CUL7: variants seen among roughly 807,000 people sequenced by gnomAD.
CUL7 encodes cullin-7.
Under a neutral mutation model 177.7 loss-of-function variants are expected in CUL7, and 96 were observed. The ratio of observed to expected loss-of-function variants is 0.54; its 90% CI spans 0.46 to 0.64. The LOEUF (loss-of-function observed/expected upper bound fraction) is 0.64, where lower values mean the gene tolerates loss of function less well. Ranked by LOEUF, CUL7 falls within the 30% of genes least tolerant of loss-of-function variation. The probability of loss-of-function intolerance (pLI) is 0.00; values close to 1 mark genes in which losing one functional copy is unlikely to be tolerated. For synonymous variants in CUL7, 824 were observed against 890.2 expected, an observed-to-expected ratio of 0.93 and a Z score of 1.32; for missense variants, 1,893 against 2,187.9, an observed-to-expected ratio of 0.87 and a Z score of 2.69.
chr6:43,050,059 C>T lies in CUL7; in HGVS notation c.1473G>A (p.Leu491=), dbSNP rs1226031095. The change falls in exon 6 of 26, where the codon CTG becomes CTA. Residue 491 remains leucine, a synonymous_variant. Transcript: ENST00000265348. This position sits in a 1 kb window ranked among gnomAD's most constrained non-coding sequence, Gnocchi z 4.1. ...AGAAGAGGAGTTCCCACCACTCAGC[C>T]AGGGTCAGGTGTTCACACTCCTCAG... is the stretch of plus-strand genomic sequence containing the variant. ...EDTEECEHLT[L]AEWWELLFFI... The T allele has an allele frequency of 6.2e-7, 1 of 1,614,210 alleles. No homozygotes were observed. The highest frequency in any genetic ancestry group is 2.2e-5 in the East Asian group (1 of 44,886).
At chr6:43,047,174 G>T (rs1763995005) in intron 9 of CUL7, 67 bp from the exon 10 acceptor site, 2 of 875,184 alleles carry the variant, frequency 2.3e-6, no homozygotes, top group Middle Eastern at 3.1e-4. Flanking sequence ...ACCTGCAGTA[G>T]CAGGTACCCA....
At chr6:43,041,529 A>G (rs934055150) in intron 19 of CUL7, among the ~76,000 whole-genome samples, 1 of 152,144 alleles carries the variant, frequency 6.6e-6, no homozygotes, top group African/African-American at 2.4e-5. Context: ...CCTGAGCCCA[A>G]GAGGTTGAGG....
Position 43,050,310 on chromosome 6 carries a change from A to G in CUL7, c.1322T>C (p.Val441Ala). The G allele has an allele frequency of 6.2e-7, 1 of 1,614,162 alleles. No homozygotes were observed. The highest frequency in any genetic ancestry group is 8.5e-7 in the Non-Finnish European group (1 of 1,180,026). ...LGFEEDIEDM[V>A]EADEYQGAVA... Reference sequence around the variant, plus strand: ...TGCCCCTTGGTACTCATCAGCCTCAACCATGTCCTCAATGTCTTCCTCAAA... The same window carrying G: ...TGCCCCTTGGTACTCATCAGCCTCAGCCATGTCCTCAATGTCTTCCTCAAA... The change falls in exon 5 of 26, where the codon GTT becomes GCT. Residue 441 changes from valine (V) to alanine (A), a missense_variant. By Grantham distance (64) the Val-to-Ala change is moderately conservative. This residue lies in a region of CUL7 where 653 missense variants were observed against 725.2 expected (regional missense o/e 0.90). Coordinates refer to ENST00000265348, the MANE Select transcript of CUL7 (RefSeq NM_014780.5). This position sits in a 1 kb window ranked among gnomAD's most constrained non-coding sequence, Gnocchi z 4.1.
In CUL7 at chr6:43,045,672, A is replaced by AT; in HGVS notation, c.2776dup (p.Met926AsnfsTer33). On this transcript the variant is annotated frameshift_variant, in exon 14 of 26. Transcript: ENST00000265348. LOFTEE classifies it high-confidence loss of function. This position sits in a 1 kb window ranked among gnomAD's most constrained non-coding sequence, Gnocchi z 4.8. ...GAGGATCACCCGGCTGGCAGAGGGC[A>AT]TCACATTCACCTGGCAGGGGGCAGA... The AT allele has an allele frequency of 6.2e-7, 1 of 1,614,222 alleles. No homozygotes were observed. Among genetic ancestry groups the AT allele is most frequent in the Non-Finnish European group, 8.5e-7 (1 of 1,180,028 alleles).
Position 43,038,557 on chromosome 6 carries a change from A to C in CUL7, c.4567+9T>G. Reference sequence around the variant, plus strand: ...CAGAGCAGAGGCCCCTCTGGCCCTAAGTGCATACCTCCTGGTATATCCTTT... The same window carrying C: ...CAGAGCAGAGGCCCCTCTGGCCCTACGTGCATACCTCCTGGTATATCCTTT... On this transcript the variant is annotated intron_variant, in intron 24 of 25. Transcript: ENST00000265348. 3 of 1,614,090 alleles carry C rather than the reference A, an allele frequency of 1.9e-6. No homozygotes were observed. Among genetic ancestry groups the C allele is most frequent in the Non-Finnish European group, 2.5e-6 (3 of 1,180,002 alleles).
At position 43,051,739 on chromosome 6, in the gene CUL7, G is replaced by A. The variant is rs569824129; in HGVS notation, c.605C>T (p.Ser202Leu). Residue 202 changes from serine (S) to leucine (L), a missense_variant, in exon 3 of 26, where the codon TCA (serine) becomes TTA (leucine). Around this residue, in one of 5 missense-constraint regions of CUL7, gnomAD observed 653 missense variants for 725.2 expected, o/e 0.90. Coordinates refer to ENST00000265348, the MANE Select transcript of CUL7 (RefSeq NM_014780.5). This position sits in a 1 kb window ranked among gnomAD's most constrained non-coding sequence, Gnocchi z 5.0. ...CTCAATGGCTTCTTGTTGGCTCAGT[G>A]ACAGAAGGATCTGAGTCCGGGTCCC... ...DAGTRTQILL[S>L]LSQQEAIEKH... 6.2e-7 allele frequency: 1 copy of A among 1,614,140 alleles called. No individual in the cohort carries two copies.
rs561958734 is a variant in CUL7, at chr6:43,045,997, C to G, written c.2755G>C (p.Glu919Gln). Residue 919 changes from glutamate (E) to glutamine (Q), a missense_variant, in exon 13 of 26, where the codon GAA becomes CAA. This residue lies in a region of CUL7 where 973 missense variants were observed against 1,140.9 expected (regional missense o/e 0.85). Transcript: ENST00000265348. This position sits in a 1 kb window ranked among gnomAD's most constrained non-coding sequence, Gnocchi z 4.8. ...GGDSTSSLHT[E>Q]LNSVNVMPSA... The stretch of plus-strand genomic sequence containing the variant: ...CCCTGGGGTCCTACCGAGTTGAGTT[C>G]CGTGTGAAGAGAGCTAGTGCTATCA... 3 of 1,613,814 alleles carry G rather than the reference C, an allele frequency of 1.9e-6. No individual in the cohort carries two copies. The highest frequency in any genetic ancestry group is 2.5e-6 in the Non-Finnish European group (3 of 1,179,738).
At chr6:43,047,950 G>C in intron 9 of CUL7, 198 bp downstream of exon 9, 1 of 597,622 alleles carries the variant, frequency 1.7e-6, no homozygotes, top group Non-Finnish European at 3.0e-6. Context: ...TGTATACCTT[G>C]TTAGAGCGTT....
chr6:43,050,605 C>T lies in CUL7; in HGVS notation c.1234-207G>A, dbSNP rs1009865330. Among the ~76,000 whole-genome samples the T allele has an allele frequency of 3.0e-5, 4 of 133,744 alleles. No individual in the cohort carries two copies. Among genetic ancestry groups the T allele is most frequent in the African/African-American group, 5.8e-5 (2 of 34,566 alleles). The allele number at this position is 133,744 out of a possible 152,430, so 87.7% of individuals were successfully genotyped here. On this transcript the variant is annotated intron_variant, in intron 4 of 25. Transcript: ENST00000265348. This position sits in a 1 kb window ranked among gnomAD's most constrained non-coding sequence, Gnocchi z 4.1. ...ACACACACACACACACACACACACACAGGATGCCTTCTCCTTTGGGGGATG... is the reference window on the plus strand; with the variant it reads ...ACACACACACACACACACACACACATAGGATGCCTTCTCCTTTGGGGGATG...
In CUL7 at chr6:43,052,262, T is replaced by C. The variant is rs1581965918; in HGVS notation, c.527A>G (p.Gln176Arg). 6.2e-7 allele frequency: 1 copy of C among 1,614,242 alleles called. No individual in the cohort carries two copies. Among genetic ancestry groups the C allele is most frequent in the Non-Finnish European group, 8.5e-7 (1 of 1,180,044 alleles). Residue 176 changes from glutamine (Q) to arginine (R), a missense_variant, in exon 2 of 26, where the codon CAG becomes CGG. Gln to Arg is a conservative substitution (Grantham distance 43). This residue lies in a region of CUL7 where 653 missense variants were observed against 725.2 expected (regional missense o/e 0.90). Coordinates refer to ENST00000265348, the MANE Select transcript of CUL7 (RefSeq NM_014780.5). The surrounding 1 kb of genome is among the most constrained non-coding windows in gnomAD (Gnocchi z 4.5). Reference protein sequence around the residue: ...LMHMLSSPDYQIRWSAGRMIQ... With the variant: ...LMHMLSSPDYRIRWSAGRMIQ... The stretch of plus-strand genomic sequence containing the variant: ...CATCCGGCCTGCACTCCAGCGAATC[T>C]GATAATCAGGACTACTCAACATGTG...
rs770327221 is a variant in CUL7, at chr6:43,043,160, C to T, written c.3376G>A (p.Asp1126Asn). The T allele has an allele frequency of 1.3e-5, 21 of 1,613,828 alleles. No individual in the cohort carries two copies. The highest frequency in any genetic ancestry group is 1.7e-5 in the Non-Finnish European group (20 of 1,179,986). Residue 1126 changes from aspartate (D) to asparagine (N), a missense_variant, in exon 18 of 26, where the codon GAC (aspartate) becomes AAC (asparagine). Asp to Asn is a conservative substitution (Grantham distance 23, BLOSUM62 1). Around this residue, in one of 5 missense-constraint regions of CUL7, gnomAD observed 973 missense variants for 1,140.9 expected, o/e 0.85. Coordinates refer to ENST00000265348, the MANE Select transcript of CUL7 (RefSeq NM_014780.5). The surrounding 1 kb of genome is among the most constrained non-coding windows in gnomAD (Gnocchi z 4.2). Reference sequence around the variant, plus strand: ...CCCCGGGTAGCCAAGGAGCTCCAGTCGTGGCTTCTGTTTCTGCCTTCTGTA... The same window carrying T: ...CCCCGGGTAGCCAAGGAGCTCCAGTTGTGGCTTCTGTTTCTGCCTTCTGTA... ...PRPKGRNRSH[D>N]WSSLATRGLP...
At position 43,046,581 on chromosome 6, in the gene CUL7, T is replaced by C. The variant is rs1430015966; in HGVS notation, c.2418A>G (p.Glu806=). 6.2e-7 allele frequency: 1 copy of C among 1,614,070 alleles called. No individual in the cohort carries two copies. The highest frequency in any genetic ancestry group is 1.7e-5 in the Admixed American group (1 of 59,996). The part of the protein sequence containing the change: ...GCIQMVLGQI[E]DHRRTHQPIN... ...TGGGTTGGTGGGTTCGTCTGTGGTC[T>C]TCGATCTGGCCCAGCACCATCTGCA... Residue 806 remains glutamate, a synonymous_variant, in exon 11 of 26, where the codon GAA becomes GAG. Coordinates refer to ENST00000265348, the MANE Select transcript of CUL7 (RefSeq NM_014780.5).
In CUL7 at chr6:43,049,557, G is replaced by T; in HGVS notation, c.1675C>A (p.Leu559Met). The stretch of plus-strand genomic sequence containing the variant: ...TTCTTGTAGACATGGCAGTTGATCA[G>T]GTCCCTGAGGGCACTGTCATTGAGT... Reference protein sequence around the residue: ...QRLNDSALRDLINCHVYKKYG... With the variant: ...QRLNDSALRDMINCHVYKKYG... The change falls in exon 7 of 26, where the codon CTG becomes ATG. Residue 559 changes from leucine (L) to methionine (M), a missense_variant. Physicochemically the swap from Leu to Met is conservative, Grantham distance 15 (BLOSUM62 2). Transcript: ENST00000265348. 8 of 1,614,224 alleles carry T rather than the reference G, an allele frequency of 5.0e-6. No individual in the cohort carries two copies. Among genetic ancestry groups the T allele is most frequent in the Non-Finnish European group, 6.8e-6 (8 of 1,180,044 alleles).
In CUL7 at chr6:43,043,156, C is replaced by T. The variant is rs184458742; in HGVS notation, c.3380G>A (p.Trp1127Ter). Residue 1127 changes from tryptophan to a stop codon, truncating the protein, a stop_gained, in exon 18 of 26, where the codon TGG (tryptophan) becomes TAG (stop). Transcript: ENST00000265348. LOFTEE classifies it high-confidence loss of function. The surrounding 1 kb of genome is among the most constrained non-coding windows in gnomAD (Gnocchi z 4.2). ...RPKGRNRSHDWSSLATRGLPS... is the reference protein window; with the variant it reads ...RPKGRNRSHD ...AAGGCCCCGGGTAGCCAAGGAGCTC[C>T]AGTCGTGGCTTCTGTTTCTGCCTTC... is the stretch of plus-strand genomic sequence containing the variant. 2 of 1,614,014 alleles carry T rather than the reference C, an allele frequency of 1.2e-6. No individual in the cohort carries two copies. Among genetic ancestry groups the T allele is most frequent in the Admixed American group, 3.3e-5 (2 of 60,016 alleles).
At chr6:43,047,419 A>G (rs575975219) in intron 9 of CUL7, among the ~76,000 whole-genome samples, 1 of 152,320 alleles carries the variant, frequency 6.6e-6, no homozygotes, top group Non-Finnish European at 1.5e-5. Flanking sequence ...TACTGTCCCA[A>G]AAACCAGTTG....
Position 43,052,535 on chromosome 6 carries a change from T to C in CUL7, c.254A>G (p.Asp85Gly). 6.2e-7 allele frequency: 1 copy of C among 1,614,208 alleles called. No homozygotes were observed. Among genetic ancestry groups the C allele is most frequent in the Non-Finnish European group, 8.5e-7 (1 of 1,180,030 alleles). ...YANCHKMLGEDGQVIGPSQES... is the reference protein window; with the variant it reads ...YANCHKMLGEGGQVIGPSQES... ...CTGGGAGGGCCCGATGACCTGGCCA[T>C]CCTCGCCCAGCATCTTGTGGCAGTT... The change falls in exon 2 of 26, where the codon GAT (aspartate) becomes GGT (glycine). Residue 85 changes from aspartate to glycine, a missense_variant. Physicochemically the swap from Asp to Gly is moderately conservative, Grantham distance 94. This residue lies in a region of CUL7 where 653 missense variants were observed against 725.2 expected (regional missense o/e 0.90). Coordinates refer to ENST00000265348, the MANE Select transcript of CUL7 (RefSeq NM_014780.5). This position sits in a 1 kb window ranked among gnomAD's most constrained non-coding sequence, Gnocchi z 4.5.
rs760680349 is a variant in CUL7 at position 43,052,308 on chromosome 6, T to A, written c.481A>T (p.Arg161Trp). 5.6e-6 allele frequency: 9 copies of A among 1,614,010 alleles called. No individual in the cohort carries two copies. The South Asian group carries it at 8.8e-5, about 16-fold the overall frequency. ...ATGTGCATGAGCAAGTCCAGGACCC[T>A]TGGGTCCTTGAATACTCCAGTGAGG... ...EPLTGVFKDP[R>W]VLDLLMHMLS... The change falls in exon 2 of 26, where the codon AGG (arginine) becomes TGG (tryptophan). Residue 161 changes from arginine (R) to tryptophan (W), a missense_variant. By Grantham distance (101) the Arg-to-Trp change is moderately radical. Transcript: ENST00000265348. This position sits in a 1 kb window ranked among gnomAD's most constrained non-coding sequence, Gnocchi z 4.5.
chr6:43,041,393 C>T (rs1438295797), intron 19 of CUL7, among the ~76,000 whole-genome samples: 2 of 152,118 alleles, frequency 1.3e-5, no homozygotes, highest in Non-Finnish European at 2.9e-5. Flanking sequence ...ATGGCTTGAA[C>T]CCAGGAGTTG....
In CUL7 at chr6:43,049,884, G is replaced by A. The variant is rs77043495; in HGVS notation, c.1569+79C>T. The A allele has an allele frequency of 8.8e-5, 128 of 1,462,846 alleles. No homozygotes were observed. In the East Asian group the frequency reaches 2.7e-3, roughly 31 times the overall value. The allele number at this position is 1,462,846 out of a possible 1,614,324, so 90.6% of individuals were successfully genotyped here. ...CTCTCTGACCTCCACTTTTCATCCTGAGCCTTCCAAATGCTCTATACAGTC... is the reference window on the plus strand; with the variant it reads ...CTCTCTGACCTCCACTTTTCATCCTAAGCCTTCCAAATGCTCTATACAGTC... On this transcript the variant is annotated intron_variant, in intron 6 of 25. Transcript: ENST00000265348.
Sources: gnomAD v4.1 joint callset for allele counts (sites outside exome capture counted in the v4.1 genomes callset) on GRCh38, gnomAD v4.1.1 for gene constraint, gnomAD v4.1.1 regional missense constraint, Gnocchi (gnomAD v3.1) non-coding constraint, MANE v1.5 for transcripts, NCBI Gene and HGNC (gene_info 2026-07-23, HGNC 2026-07-21) for gene names.